The following CSMD3 variants were observed in gnomAD, a reference collection of about 807,000 sequenced individuals.
CSMD3 encodes CUB and Sushi multiple domains 3, also known as CUB and sushi domain-containing protein 3.
Under a neutral mutation model 435.2 loss-of-function variants are expected in CSMD3, and 177 were observed. That is an observed-to-expected ratio of 0.41 (90% CI 0.36 to 0.46). CSMD3 has a LOEUF of 0.46. Among genes scored for constraint, CSMD3 ranks in the 20% least tolerant of loss-of-function variants. The probability of loss-of-function intolerance (pLI) is 0.34; values close to 1 mark genes in which losing one functional copy is unlikely to be tolerated. For missense variants in CSMD3, 4,265 were observed against 4,504.6 expected (o/e 0.95, Z 1.52); for synonymous variants, 1,656 against 1,520.5 (o/e 1.09, Z -2.07).
At chr8:112,698,686 C>A (rs1414570311) in intron 13 of CSMD3, among the ~76,000 whole-genome samples, 1 of 152,074 alleles carries the variant, frequency 6.6e-6, no homozygotes, top group Non-Finnish European at 1.5e-5. Context: ...AAGATAATGG[C>A]AGAGTACAAC....
chr8:113,202,695 G>A (rs2092727442), intron 3 of CSMD3, among the ~76,000 whole-genome samples: 1 of 152,020 alleles, frequency 6.6e-6, no homozygotes, highest in Non-Finnish European at 1.5e-5. Context: ...ATGTAGTTCA[G>A]GCACACTGAA....
At chr8:113,241,821 A>G (rs2093221127) in intron 3 of CSMD3, among the ~76,000 whole-genome samples, 2 of 151,904 alleles carry the variant, frequency 1.3e-5, no homozygotes. Flanking sequence ...GACACACATC[A>G]CTGACTTTTT....
chr8:112,373,406 T>C (rs557457262), intron 38 of CSMD3, among the ~76,000 whole-genome samples: 47 of 152,144 alleles, frequency 3.1e-4, no homozygotes, highest in Admixed American at 2.0e-3. Context: ...AAAGTTAATA[T>C]GCCCACCCTG....
chr8:113,324,240 C>T (rs1311835323), intron 1 of CSMD3, among the ~76,000 whole-genome samples: 1 of 152,164 alleles, frequency 6.6e-6, no homozygotes, highest in Non-Finnish European at 1.5e-5. Flanking sequence ...GAATGTGAAT[C>T]CTCAACATAG....
chr8:112,708,792 G>A (rs7836068), intron 13 of CSMD3, among the ~76,000 whole-genome samples: 50,082 of 150,824 alleles, frequency 0.33, 9,173 homozygotes, highest in African/African-American at 0.5. Context: ...AGCAAAAAAG[G>A]TCGGACTTGG....
chr8:112,766,997 A>C (rs1234410199), intron 13 of CSMD3, among the ~76,000 whole-genome samples: 1 of 151,856 alleles, frequency 6.6e-6, no homozygotes, highest in Non-Finnish European at 1.5e-5. Context: ...CTCAACAATA[A>C]CTGACTATGC....
chr8:112,816,570 C>T (rs2079381566), intron 12 of CSMD3, among the ~76,000 whole-genome samples: 2 of 151,948 alleles, frequency 1.3e-5, no homozygotes, highest in Non-Finnish European at 2.9e-5. Context: ...AAGTATAACT[C>T]CTTGGATGCA....
At chr8:113,390,839 A>G (rs565131024) in intron 1 of CSMD3, among the ~76,000 whole-genome samples, 23 of 152,138 alleles carry the variant, frequency 1.5e-4, no homozygotes, top group African/African-American at 5.3e-4. Context: ...CTCAAAATGT[A>G]TCATGGAAAG....
At chr8:112,523,136 T>C (rs1392491142) in intron 27 of CSMD3, among the ~76,000 whole-genome samples, 1 of 151,884 alleles carries the variant, frequency 6.6e-6, no homozygotes, top group African/African-American at 2.4e-5. Flanking sequence ...TCAAGACCTT[T>C]CAAAGAAGAA....
At chr8:112,984,094 T>A (rs1479417855) in intron 6 of CSMD3, among the ~76,000 whole-genome samples, 1 of 151,984 alleles carries the variant, frequency 6.6e-6, no homozygotes, top group African/African-American at 2.4e-5. Flanking sequence ...TCAGAAATGA[T>A]AAGAATATAG....
chr8:113,329,319 A>T (rs1045544503), intron 1 of CSMD3, among the ~76,000 whole-genome samples: 1 of 152,006 alleles, frequency 6.6e-6, no homozygotes, highest in Non-Finnish European at 1.5e-5. Context: ...ACCAGATGGA[A>T]ATTCTGCAGT....
intron 4 of CSMD3, among the ~76,000 whole-genome samples, chr8:113,128,766 C>T (rs2091208350): frequency 6.6e-6 from 1 of 152,054 alleles, no homozygotes; most frequent in Non-Finnish European, 1.5e-5. Flanking sequence ...CAAAATACTG[C>T]TCTCATTGTC....
Position 112,380,361 on chromosome 8 carries a change from C to T in CSMD3, c.6127G>A (p.Glu2043Lys), listed in dbSNP as rs1247464752. 1.3e-6 allele frequency: 2 copies of T among 1,541,094 alleles called. No individual in the cohort carries two copies. Among genetic ancestry groups the T allele is most frequent in the Admixed American group, 1.7e-5 (1 of 59,876 alleles). ...ISVSAAGFHL[E>K]YTAIGLDSCP... Reference sequence around the variant, plus strand: ...ATGATATTATTTTTACCTGTGTATTCAAGATGAAATCCTGCAGCAGAAACA... The same window carrying T: ...ATGATATTATTTTTACCTGTGTATTTAAGATGAAATCCTGCAGCAGAAACA... Residue 2043 changes from glutamate to lysine, a missense_variant, in exon 38 of 71, where the codon GAA becomes AAA. Transcript: ENST00000297405.
chr8:113,159,503 A>G (rs4242551), intron 4 of CSMD3, among the ~76,000 whole-genome samples: 103,424 of 151,796 alleles, frequency 0.68, 37,060 homozygotes, highest in East Asian at 0.95. Context: ...ACAGTAAGTA[A>G]ATCTCTCCTG....
In CSMD3 at chr8:113,264,661, T is replaced by G. The variant is rs2093453695; in HGVS notation, c.514+13931A>C. ...ACCATTTAACCTAAGAAAATAAATA[T>G]TTTTAAACAAAGAAATATTCATTAA... is the stretch of plus-strand genomic sequence containing the variant. On this transcript the variant is annotated intron_variant, in intron 3 of 70. Coordinates refer to ENST00000297405, the MANE Select transcript of CSMD3 (RefSeq NM_198123.2). Among the ~76,000 whole-genome samples the G allele has an allele frequency of 2.0e-5, 3 of 151,594 alleles. No individual in the cohort carries two copies. In the Admixed American group the frequency reaches 2.0e-4, roughly 10 times the overall value.
chr8:112,483,901 G>T (rs1352779741), intron 31 of CSMD3, among the ~76,000 whole-genome samples: 1 of 152,122 alleles, frequency 6.6e-6, no homozygotes, highest in Non-Finnish European at 1.5e-5. Context: ...TTTTCTCTAA[G>T]GATCAAGAGC....
intron 5 of CSMD3, among the ~76,000 whole-genome samples, chr8:113,021,712 G>A (rs1274915451): frequency 2.6e-5 from 4 of 152,152 alleles, no homozygotes; most frequent in Admixed American, 1.3e-4. Context: ...TACAGTAAAG[G>A]CAAGTAATAG....
chr8:112,993,083 A>G (rs2085515505), intron 6 of CSMD3, among the ~76,000 whole-genome samples: 1 of 151,818 alleles, frequency 6.6e-6, no homozygotes, highest in African/African-American at 2.4e-5. Context: ...GGATCCATGC[A>G]GAATGAGAAA....
At position 112,301,945 on chromosome 8, in the gene CSMD3, G is replaced by A. The variant is rs145439565; in HGVS notation, c.8288C>T (p.Pro2763Leu). 1.9e-6 allele frequency: 3 copies of A among 1,609,182 alleles called. No individual in the cohort carries two copies. The highest frequency in any genetic ancestry group is 1.1e-5 in the South Asian group (1 of 90,962). The change falls in exon 53 of 71, where the codon CCT becomes CTT. Residue 2763 changes from proline (P) to leucine (L), a missense_variant. Physicochemically the swap from Pro to Leu is moderately conservative, Grantham distance 98. This residue lies in a region of CSMD3 where 3,255 missense variants were observed against 3,380.2 expected (regional missense o/e 0.96). Coordinates refer to ENST00000297405, the MANE Select transcript of CSMD3 (RefSeq NM_198123.2). ...YCQIISCGEL[P>L]TPPNGNKIGT... ...AATCTTATTTCCATTTGGAGGTGTA[G>A]GTAGTTCTCCACAGGAAATAACTTT...
Sources: allele counts gnomAD v4.1 joint callset (sites outside exome capture counted in the v4.1 genomes callset), GRCh38; gene constraint gnomAD v4.1.1; regional missense constraint gnomAD v4.1.1; transcripts MANE v1.5; gene names NCBI Gene and HGNC (gene_info 2026-07-23, HGNC 2026-07-21).